GNB1: variants seen among roughly 807,000 people sequenced by gnomAD.
GNB1 encodes the protein guanine nucleotide-binding protein G(I)/G(S)/G(T) subunit beta-1.
In GNB1, 2 loss-of-function variants were observed where a neutral mutation model predicts 42.9. The observed-to-expected ratio is 0.05, with a 90% CI of 0.02 to 0.15. The LOEUF (loss-of-function observed/expected upper bound fraction) is 0.15. Among genes scored for constraint, GNB1 ranks in the 10% least tolerant of loss-of-function variants. GNB1 has a pLI of 1.00. For synonymous variants in GNB1, 183 were observed against 174.7 expected (o/e 1.05, Z -0.38); for missense variants, 193 against 462.2 (o/e 0.42, Z 5.34).
chr1:1,838,562 A>G (rs1647182232), intron 2 of GNB1, among the ~76,000 whole-genome samples: 1 of 151,322 alleles, frequency 6.6e-6, no homozygotes, highest in Non-Finnish European at 1.5e-5. Flanking sequence ...CTCCTGACTC[A>G]GCCTCCAGAG....
At chr1:1,812,070 A>T (rs1275824053) in intron 5 of GNB1, among the ~76,000 whole-genome samples, 1 of 152,168 alleles carries the variant, frequency 6.6e-6, no homozygotes, top group Non-Finnish European at 1.5e-5. Flanking sequence ...CGTCTCAAAA[A>T]AAAAAACCCA....
intron 2 of GNB1, among the ~76,000 whole-genome samples, chr1:1,832,017 T>C (rs1647082435): frequency 6.7e-6 from 1 of 148,646 alleles, no homozygotes; most frequent in South Asian, 2.1e-4. Flanking sequence ...GAGCCATGAC[T>C]GTTCCACTAC....
At chr1:1,867,666 T>C (rs1282559400) in intron 1 of GNB1, among the ~76,000 whole-genome samples, 1 of 152,216 alleles carries the variant, frequency 6.6e-6, no homozygotes, top group African/African-American at 2.4e-5. Flanking sequence ...TTATCATATA[T>C]ATTCCTAACA....
At chr1:1,821,113 T>C (rs1646925320) in intron 3 of GNB1, among the ~76,000 whole-genome samples, 1 of 152,232 alleles carries the variant, frequency 6.6e-6, no homozygotes, top group Non-Finnish European at 1.5e-5. Context: ...AATGACACAG[T>C]AACACACTTA....
intron 1 of GNB1, among the ~76,000 whole-genome samples, chr1:1,860,285 C>A (rs1367113260): frequency 6.6e-6 from 1 of 152,002 alleles, no homozygotes; most frequent in Admixed American, 6.6e-5. Context: ...TAGACAGGGG[C>A]ATGATAGAGG....
intron 1 of GNB1, among the ~76,000 whole-genome samples, chr1:1,844,498 G>A (rs1647514398): frequency 6.6e-6 from 1 of 151,826 alleles, no homozygotes; most frequent in African/African-American, 2.4e-5. Flanking sequence ...TGACTTCTTT[G>A]CACATATCCT....
chr1:1,881,189 T>C (rs1649827034), intron 1 of GNB1, among the ~76,000 whole-genome samples: 1 of 152,026 alleles, frequency 6.6e-6, no homozygotes. Flanking sequence ...GACGGAAACC[T>C]GTGGTCATTT....
intron 1 of GNB1, among the ~76,000 whole-genome samples, chr1:1,874,236 C>T (rs1255936941): frequency 6.6e-6 from 1 of 152,000 alleles, no homozygotes; most frequent in African/African-American, 2.4e-5. Context: ...TCTAGGAGGC[C>T]GAGGCAGGCA....
rs143709588 is a variant in GNB1, at chr1:1,793,247, C to A, written c.495G>T (p.Thr165=). 1 of 1,609,700 alleles carries A rather than the reference C, an allele frequency of 6.2e-7. No individual in the cohort carries two copies. Among genetic ancestry groups the A allele is most frequent in the Non-Finnish European group, 8.5e-7 (1 of 1,176,634 alleles). Reference sequence around the variant, plus strand: ...CCTGCCCCGGGTCAGGTACTTACCACGTGGTGTCTCCAGAGCTGGTGACGA... The same window carrying A: ...CCTGCCCCGGGTCAGGTACTTACCAAGTGGTGTCTCCAGAGCTGGTGACGA... The part of the protein sequence containing the change: ...NQIVTSSGDT[T]CALWDIETGQ... Residue 165 remains threonine (T), a splice_region_variant and synonymous_variant, in exon 8 of 12, where the codon ACG becomes ACT. Transcript: ENST00000378609.
chr1:1,869,184 T>TAAA (rs1649111640), intron 1 of GNB1, among the ~76,000 whole-genome samples: 1 of 36,306 alleles, frequency 2.8e-5, no homozygotes, highest in East Asian at 9.9e-4. Context: ...AGACACCTTC[T>TAAA]CAAAAAAAAA....
chr1:1,816,941 G>C (rs1026331602), intron 4 of GNB1, among the ~76,000 whole-genome samples: 1 of 151,890 alleles, frequency 6.6e-6, no homozygotes, highest in African/African-American at 2.4e-5. Flanking sequence ...TTTTTAATAA[G>C]GTGAAGTTCA....
In GNB1 at chr1:1,787,370, C is replaced by G; in HGVS notation, c.984G>C (p.Ala328=). ...LGVTDDGMAV[A]TGSWDSFLKI... ...TGAGGAAGCTATCCCAGGACCCTGT[C>G]GCCACAGCCATGCCATCGTCAGTCA... Residue 328 remains alanine, a synonymous_variant, in exon 11 of 12, where the codon GCG becomes GCC. Transcript: ENST00000378609. This position sits in a 1 kb window ranked among gnomAD's most constrained non-coding sequence, Gnocchi z 4.4. The G allele has an allele frequency of 6.2e-7, 1 of 1,613,594 alleles. No homozygotes were observed. The highest frequency in any genetic ancestry group is 8.5e-7 in the Non-Finnish European group (1 of 1,179,576).
chr1:1,816,274 A>C (rs1424786920), intron 4 of GNB1, among the ~76,000 whole-genome samples: 3 of 152,196 alleles, frequency 2.0e-5, no homozygotes, highest in Non-Finnish European at 4.4e-5. Flanking sequence ...TTCCTATGTC[A>C]GGCTATGTGT....
intron 4 of GNB1, 120 bp downstream of exon 4, chr1:1,817,717 G>A (rs1055274953): frequency 1.6e-5 from 10 of 632,610 alleles, no homozygotes; most frequent in Non-Finnish European, 2.6e-5. Flanking sequence ...AAAAGCAGTG[G>A]CTTGGCATCC....
chr1:1,853,179 G>T (rs1327437075), intron 1 of GNB1, among the ~76,000 whole-genome samples: 1 of 152,064 alleles, frequency 6.6e-6, no homozygotes, highest in Non-Finnish European at 1.5e-5. Context: ...TTACTAATCT[G>T]TGTCTCTATC....
intron 7 of GNB1, among the ~76,000 whole-genome samples, chr1:1,801,178 C>A (rs936017786): frequency 2.0e-5 from 3 of 152,200 alleles, no homozygotes; most frequent in Admixed American, 6.5e-5. Context: ...CAAGCGCATG[C>A]CACCATGCTT....
At position 1,793,263 on chromosome 1, in the gene GNB1, C is replaced by G; in HGVS notation, c.479G>C (p.Ser160Thr). ...RFLDDNQIVT[S>T]SGDTTCALWD... Reference sequence around the variant, plus strand: ...TACTTACCACGTGGTGTCTCCAGAGCTGGTGACGATCTGATTGTCATCCAG... The same window carrying G: ...TACTTACCACGTGGTGTCTCCAGAGGTGGTGACGATCTGATTGTCATCCAG... Residue 160 changes from serine (S) to threonine (T), a missense_variant, in exon 8 of 12, where the codon AGC (serine) becomes ACC (threonine). Physicochemically the swap from Ser to Thr is moderately conservative, Grantham distance 58. Coordinates refer to ENST00000378609, the MANE Select transcript of GNB1 (RefSeq NM_002074.5). 1 of 1,613,080 alleles carries G rather than the reference C, an allele frequency of 6.2e-7. No homozygotes were observed. The highest frequency in any genetic ancestry group is 8.5e-7 in the Non-Finnish European group (1 of 1,179,286).
At chr1:1,827,286 G>A (rs1198497550) in intron 2 of GNB1, among the ~76,000 whole-genome samples, 4 of 152,178 alleles carry the variant, frequency 2.6e-5, no homozygotes, top group East Asian at 3.8e-4. Flanking sequence ...GGCATGCCCC[G>A]TAACACGAGC....
chr1:1,818,834 G>A (rs1373142646), intron 3 of GNB1, among the ~76,000 whole-genome samples: 6 of 152,094 alleles, frequency 3.9e-5, no homozygotes, highest in African/African-American at 1.4e-4. Context: ...CTGCACTCCA[G>A]TCTGGGAAAC....
Sources: allele counts gnomAD v4.1 joint callset (sites outside exome capture counted in the v4.1 genomes callset), GRCh38; gene constraint gnomAD v4.1.1; non-coding constraint Gnocchi (gnomAD v3.1); transcripts MANE v1.5; gene names NCBI Gene and HGNC (gene_info 2026-07-23, HGNC 2026-07-21).